The following GOPC variants were observed in gnomAD, a reference collection of about 807,000 sequenced individuals.
GOPC encodes the protein Golgi-associated PDZ and coiled-coil motif-containing protein.
GOPC carries 32 observed loss-of-function variants against 51.2 expected under a neutral mutation model. The ratio of observed to expected loss-of-function variants is 0.63; its 90% CI spans 0.47 to 0.84. The LOEUF is 0.84. Ranked by LOEUF, GOPC falls within the 40% of genes least tolerant of loss-of-function variation. GOPC has a pLI of 0.00. For synonymous variants in GOPC, 190 were observed against 205.1 expected (o/e 0.93, Z 0.63); for missense variants, 441 against 555.5 (o/e 0.79, Z 2.07).
intron 7 of GOPC, among the ~76,000 whole-genome samples, chr6:117,569,093 A>G (rs1431734795): frequency 6.6e-6 from 1 of 152,218 alleles, no homozygotes; most frequent in Non-Finnish European, 1.5e-5. Context: ...ATCGCTAAGA[A>G]CTTTAGTTTA....
At chr6:117,587,323 A>G (rs779177936) in intron 1 of GOPC, among the ~76,000 whole-genome samples, 2 of 152,146 alleles carry the variant, frequency 1.3e-5, no homozygotes, top group Non-Finnish European at 2.9e-5. Flanking sequence ...AGATATGACA[A>G]CTGAAGTACA....
chr6:117,575,093 TAAAA>T (rs1779861097), intron 4 of GOPC, 80 bp downstream of exon 4: 2 of 1,132,514 alleles, frequency 1.8e-6, no homozygotes, highest in Non-Finnish European at 2.5e-6. Flanking sequence ...AAATAAAAAA[TAAAA>T]AAAGAAAGAA....
At chr6:117,575,590 T>C in intron 3 of GOPC, 1 of 697,070 alleles carries the variant, frequency 1.4e-6, no homozygotes, top group Non-Finnish European at 2.6e-6. Flanking sequence ...AGAAAAGTAG[T>C]CTACTCTAAG....
intron 1 of GOPC, among the ~76,000 whole-genome samples, chr6:117,582,362 G>C (rs922262877): frequency 6.6e-6 from 1 of 150,452 alleles, no homozygotes; most frequent in African/African-American, 2.4e-5. Flanking sequence ...GTGTGTCCTC[G>C]GCAAAACCCC....
chr6:117,575,540 T>C, intron 3 of GOPC, 188 bp from the exon 4 acceptor site: 2 of 756,334 alleles, frequency 2.6e-6, no homozygotes, highest in African/African-American at 1.7e-5. Context: ...CTAGATAAAA[T>C]AATTGCACGC....
At chr6:117,574,164 T>A (rs1276731368) in intron 4 of GOPC, among the ~76,000 whole-genome samples, 1 of 151,662 alleles carries the variant, frequency 6.6e-6, no homozygotes, top group Non-Finnish European at 1.5e-5. Flanking sequence ...GGTGGGAGGA[T>A]CACTTGAGCC....
At position 117,563,383 on chromosome 6, in the gene GOPC, T is replaced by A; in HGVS notation, c.1260A>T (p.Gly420=). The A allele has an allele frequency of 6.2e-7, 1 of 1,612,436 alleles. No homozygotes were observed. Among genetic ancestry groups the A allele is most frequent in the Non-Finnish European group, 8.5e-7 (1 of 1,179,530 alleles). ...DTSGEIKVLQ[G]FNKKAVTDTH... ...TGTCAGTTACTGCCTTCTTATTAAA[T>A]CCTGAAAGAAAGGAGAAAAAAAAAG... The change falls in exon 9 of 9, where the codon GGA becomes GGT. Residue 420 remains glycine (G), a splice_region_variant and synonymous_variant. Transcript: ENST00000368498.
chr6:117,588,858 A>G (rs889612251), intron 1 of GOPC, among the ~76,000 whole-genome samples: 1 of 151,378 alleles, frequency 6.6e-6, no homozygotes, highest in Non-Finnish European at 1.5e-5. Flanking sequence ...CAAAATTTGT[A>G]AGAATGCAAA....
chr6:117,577,315 A>G (rs1417586171), intron 3 of GOPC, 133 bp downstream of exon 3: 34 of 754,686 alleles, frequency 4.5e-5, no homozygotes, highest in Non-Finnish European at 7.5e-5. Flanking sequence ...CTTTTCAGGT[A>G]CTGGAACATT....
chr6:117,563,196 C>A lies in GOPC; in HGVS notation c.*58G>T, dbSNP rs1044986176. ...TTTGTAGTCTTTGTCACCATCTTCC[C>A]CAGTGCCCCAAATTCAGAATAGTCT... On this transcript the variant is annotated 3_prime_UTR_variant, in exon 9 of 9. Transcript: ENST00000368498. 5.2e-6 allele frequency: 8 copies of A among 1,524,364 alleles called. No homozygotes were observed. The African/African-American group carries it at 1.1e-4, about 21-fold the overall frequency. The allele number at this position is 1,524,364 out of a possible 1,614,324, so 94.4% of individuals were successfully genotyped here.
At chr6:117,585,826 C>G (rs1042471404) in intron 1 of GOPC, among the ~76,000 whole-genome samples, 1 of 152,160 alleles carries the variant, frequency 6.6e-6, no homozygotes, top group Non-Finnish European at 1.5e-5. Context: ...CACAGACACA[C>G]CTGTAGGCAT....
rs369661525 is a variant in GOPC, at chr6:117,567,050, A to C, written c.1078-16T>G. ...TCTCTCCTCTCTAAAACAGGAAATG[A>C]AAATGAGAAAGTCAAGTTATTGTAA... On this transcript the variant is annotated splice_polypyrimidine_tract_variant and intron_variant, in intron 7 of 8. Coordinates refer to ENST00000368498, the MANE Select transcript of GOPC (RefSeq NM_020399.4). The C allele has an allele frequency of 1.0e-5, 16 of 1,539,322 alleles. No individual in the cohort carries two copies. Among genetic ancestry groups the C allele is most frequent in the South Asian group, 1.0e-4 (8 of 79,812 alleles).
intron 4 of GOPC, among the ~76,000 whole-genome samples, chr6:117,574,100 A>AC (rs1417923962): frequency 6.6e-6 from 1 of 152,090 alleles, no homozygotes; most frequent in African/African-American, 2.4e-5. Context: ...CAAAACCTTA[A>AC]CAATTAACCA....
rs1409556747 is a variant in GOPC, at chr6:117,570,908, T to G, written c.864A>C (p.Lys288Asn). 6.2e-7 allele frequency: 1 copy of G among 1,600,194 alleles called. No homozygotes were observed. Among genetic ancestry groups the G allele is most frequent in the Non-Finnish European group, 8.5e-7 (1 of 1,170,814 alleles). The stretch of plus-strand genomic sequence containing the variant: ...CATGATCTTCCTTAAGGAGGAGAAC[T>G]TTTCTAATTGGACCAACACCTTGGC... ...KKSQGVGPIR[K>N]VLLLKEDHEG... The change falls in exon 6 of 9, where the codon AAA becomes AAC. Residue 288 changes from lysine (K) to asparagine (N), a missense_variant. Lys to Asn is a moderately conservative substitution (Grantham distance 94). Transcript: ENST00000368498.
At chr6:117,593,311 C>A (rs983561169) in intron 1 of GOPC, among the ~76,000 whole-genome samples, 2 of 151,874 alleles carry the variant, frequency 1.3e-5, no homozygotes, top group Non-Finnish European at 2.9e-5. Context: ...CCCATTCTCT[C>A]CCTCTTCTAA....
chr6:117,569,941 TA>T (rs1562139325), intron 6 of GOPC: 6 of 487,616 alleles, frequency 1.2e-5, no homozygotes, highest in East Asian at 4.1e-5. Flanking sequence ...ATTCTTAAAT[TA>T]AAAAAAACTT....
intron 6 of GOPC, 109 bp from the exon 7 acceptor site, chr6:117,569,845 G>T: frequency 8.3e-7 from 1 of 1,204,596 alleles, no homozygotes; most frequent in Non-Finnish European, 1.1e-6. Context: ...AAACACCTAT[G>T]CTGTCTCTAT....
intron 7 of GOPC, among the ~76,000 whole-genome samples, chr6:117,567,873 T>C (rs1036022468): frequency 7.9e-5 from 12 of 151,950 alleles, no homozygotes; most frequent in Non-Finnish European, 1.2e-4. Context: ...TGTCATTCTT[T>C]AACAATGAAA....
chr6:117,599,670 A>C (rs534744359), intron 1 of GOPC, among the ~76,000 whole-genome samples: 10 of 152,358 alleles, frequency 6.6e-5, no homozygotes, highest in African/African-American at 2.4e-4. Context: ...AAATATGCTC[A>C]CATTGTGATA....
Sources: allele counts gnomAD v4.1 joint callset (sites outside exome capture counted in the v4.1 genomes callset), GRCh38; gene constraint gnomAD v4.1.1; transcripts MANE v1.5; gene names NCBI Gene and HGNC (gene_info 2026-07-23, HGNC 2026-07-21).